LRRFIP1: variants seen among roughly 807,000 people sequenced by gnomAD.
LRRFIP1 encodes the protein leucine-rich repeat flightless-interacting protein 1.
Under a neutral mutation model 104.4 loss-of-function variants are expected in LRRFIP1, and 62 were observed. The observed-to-expected ratio is 0.59, with a 90% confidence interval of 0.48 to 0.73. LRRFIP1 has a LOEUF of 0.73. Among genes scored for constraint, LRRFIP1 ranks in the 30% least tolerant of loss-of-function variants. The pLI is 0.00. For missense variants in LRRFIP1, 796 were observed against 824.5 expected, an observed-to-expected ratio of 0.97 and a Z score of 0.42; for synonymous variants, 300 against 299.0, an observed-to-expected ratio of 1.00 and a Z score of -0.03.
chr2:237,647,000 C>A (rs1483194118), intron 1 of LRRFIP1, among the ~76,000 whole-genome samples: 1 of 151,978 alleles, frequency 6.6e-6, no homozygotes, highest in African/African-American at 2.4e-5. Flanking sequence ...TTGCTTTCTA[C>A]ATTTACTGTA....
Position 237,691,948 on chromosome 2 carries a change from G to T in LRRFIP1, c.97-16596G>T, listed in dbSNP as rs1480604873. On this transcript the variant is annotated intron_variant, in intron 1 of 23. Transcript: ENST00000308482. This position sits in a 1 kb window ranked among gnomAD's most constrained non-coding sequence, Gnocchi z 5.4. ...TCGCGTTAAGGGAGCGCGGAAGGGC[G>T]GGACAGGCCGTGGGGCGGGGCCTGG... is the stretch of plus-strand genomic sequence containing the variant. 1.3e-5 allele frequency among the ~76,000 whole-genome samples: 2 copies of T among 148,476 alleles called. No individual in the cohort carries two copies. The highest frequency in any genetic ancestry group is 3.0e-5 in the Non-Finnish European group (2 of 66,564).
chr2:237,680,493 T>G (rs183895737), intron 1 of LRRFIP1, among the ~76,000 whole-genome samples: 1 of 152,320 alleles, frequency 6.6e-6, no homozygotes, highest in African/African-American at 2.4e-5. Flanking sequence ...ATGATTCAAG[T>G]ACACAGGAGG....
At chr2:237,723,718 G>A (rs574487235) in intron 7 of LRRFIP1, 132 bp downstream of exon 7, 4 of 1,130,362 alleles carry the variant, frequency 3.5e-6, no homozygotes, top group African/African-American at 3.0e-5. Context: ...AGGCCAGGAG[G>A]GCAGGCTTAC....
intron 1 of LRRFIP1, among the ~76,000 whole-genome samples, chr2:237,701,346 T>C (rs1458830049): frequency 2.0e-5 from 3 of 152,234 alleles, no homozygotes; most frequent in Non-Finnish European, 2.9e-5. Flanking sequence ...GGTGTTGGGC[T>C]GTCCCCACCC....
rs961656726 is a variant in LRRFIP1, at chr2:237,661,935, G to A, written c.96+34195G>A. Among the ~76,000 whole-genome samples the A allele has an allele frequency of 4.6e-5, 7 of 152,194 alleles. No homozygotes were observed. Among genetic ancestry groups the A allele is most frequent in the East Asian group, 1.9e-4 (1 of 5,202 alleles). ...AAGACTGAGTCCTCGTGCACCTAGC[G>A]TGACCCATGACAGCATGCAGGTGTT... On this transcript the variant is annotated intron_variant, in intron 1 of 23. Coordinates refer to ENST00000308482, the MANE Select transcript of LRRFIP1 (RefSeq NM_001137550.2). The surrounding 1 kb of genome is among the most constrained non-coding windows in gnomAD (Gnocchi z 4.4).
intron 11 of LRRFIP1, among the ~76,000 whole-genome samples, chr2:237,743,917 C>A (rs962950218): frequency 6.6e-6 from 1 of 152,190 alleles, no homozygotes; most frequent in Non-Finnish European, 1.5e-5. Context: ...GAAGCCATCA[C>A]GTTTCTGAAA....
At chr2:237,629,933 C>G (rs771195284) in intron 1 of LRRFIP1, among the ~76,000 whole-genome samples, 1 of 152,142 alleles carries the variant, frequency 6.6e-6, no homozygotes, top group South Asian at 2.1e-4. Context: ...AGTTCTTAGC[C>G]AGCTGTGCCA....
At chr2:237,667,551 T>C (rs2089628222) in intron 1 of LRRFIP1, among the ~76,000 whole-genome samples, 1 of 152,256 alleles carries the variant, frequency 6.6e-6, no homozygotes, top group Admixed American at 6.5e-5. Flanking sequence ...GAATGATTTA[T>C]AATCCTTTGG....
intron 19 of LRRFIP1, chr2:237,763,862 G>A: frequency 1.9e-6 from 3 of 1,614,226 alleles, no homozygotes; most frequent in Non-Finnish European, 1.7e-6. Flanking sequence ...CAGTCCTGCA[G>A]AACCAAAGAG....
chr2:237,712,496 A>G (rs1461865869), intron 2 of LRRFIP1, among the ~76,000 whole-genome samples: 3 of 152,270 alleles, frequency 2.0e-5, no homozygotes, highest in Non-Finnish European at 4.4e-5. Context: ...AATATGAAAC[A>G]TAAAATATAC....
chr2:237,723,632 T>C, intron 7 of LRRFIP1, 46 bp downstream of exon 7: 1 of 1,607,672 alleles, frequency 6.2e-7, no homozygotes, highest in Non-Finnish European at 8.5e-7. Context: ...AACTGTGTGG[T>C]GTGACCATAA....
intron 13 of LRRFIP1, 63 bp downstream of exon 13, chr2:237,749,387 TAA>T (rs200556733): frequency 8.9e-4 from 1,163 of 1,310,920 alleles, no homozygotes; most frequent in East Asian, 3.2e-3. Context: ...GTCTTTAGAT[TAA>T]AAAAAAAAAA....
intron 19 of LRRFIP1, chr2:237,768,279 T>A (rs2060364871): frequency 6.6e-6 from 1 of 152,390 alleles, no homozygotes; most frequent in East Asian, 1.9e-4. Flanking sequence ...CTATTTATAA[T>A]GTTCTCACTA....
chr2:237,658,331 A>T (rs1401688304), intron 1 of LRRFIP1, among the ~76,000 whole-genome samples: 3 of 152,366 alleles, frequency 2.0e-5, no homozygotes, highest in East Asian at 3.9e-4. Flanking sequence ...GGATAAGATG[A>T]CTTAACACTA....
rs968521347 is a variant in LRRFIP1 at position 237,717,295 on chromosome 2, G to A, written c.202-467G>A. ...TAGACATCAGGCAGCTAGAACAAGC[G>A]TCAGCACGCAGTTTCTCCCCTTCTC... is the stretch of plus-strand genomic sequence containing the variant. On this transcript the variant is annotated intron_variant, in intron 3 of 23. Transcript: ENST00000308482. This position sits in a 1 kb window ranked among gnomAD's most constrained non-coding sequence, Gnocchi z 4.2. 2.0e-5 allele frequency among the ~76,000 whole-genome samples: 3 copies of A among 152,216 alleles called. No homozygotes were observed. Among genetic ancestry groups the A allele is most frequent in the Admixed American group, 6.5e-5 (1 of 15,290 alleles).
Position 237,717,873 on chromosome 2 carries a change from T to C in LRRFIP1, c.249+64T>C. 1 of 1,188,470 alleles carries C rather than the reference T, an allele frequency of 8.4e-7. No homozygotes were observed. Among genetic ancestry groups the C allele is most frequent in the South Asian group, 1.2e-5 (1 of 82,530 alleles). The allele number at this position is 1,188,470 out of a possible 1,614,324, so 73.6% of individuals were successfully genotyped here. ...CCCACTTGAATACAGTGTTGAGACT[T>C]AAATGGTTTATAATGTAATTCTTAC... On this transcript the variant is annotated intron_variant, in intron 4 of 23. Coordinates refer to ENST00000308482, the MANE Select transcript of LRRFIP1 (RefSeq NM_001137550.2). The surrounding 1 kb of genome is among the most constrained non-coding windows in gnomAD (Gnocchi z 4.2).
At chr2:237,658,767 C>T (rs779453239) in intron 1 of LRRFIP1, among the ~76,000 whole-genome samples, 11 of 152,118 alleles carry the variant, frequency 7.2e-5, no homozygotes, top group African/African-American at 1.9e-4. Context: ...GAACAGCATG[C>T]GGGGAACTGC....
At chr2:237,632,179 GA>G in intron 1 of LRRFIP1, among the ~76,000 whole-genome samples, 1 of 150,428 alleles carries the variant, frequency 6.6e-6, no homozygotes, top group African/African-American at 2.4e-5. Context: ...TGCCCCCAAG[GA>G]GTCCAGTTGT....
intron 1 of LRRFIP1, among the ~76,000 whole-genome samples, chr2:237,668,274 GTCCTAGTGA>G (rs2089801905): frequency 6.6e-6 from 1 of 151,992 alleles, no homozygotes; most frequent in Non-Finnish European, 1.5e-5. Context: ...TCATCTTGGT[GTCCTAGTGA>G]TCCTAGGACA....
Sources: gnomAD v4.1 joint callset for allele counts (sites outside exome capture counted in the v4.1 genomes callset) on GRCh38, gnomAD v4.1.1 for gene constraint, Gnocchi (gnomAD v3.1) non-coding constraint, MANE v1.5 for transcripts, NCBI Gene and HGNC (gene_info 2026-07-23, HGNC 2026-07-21) for gene names.